Variants in NCOR1 observed in about 807,000 individuals in gnomAD.
NCOR1 encodes protein phosphatase 1, regulatory subunit 109.
NCOR1 carries 63 observed loss-of-function variants against 288.1 expected under a neutral mutation model. The observed-to-expected ratio is 0.22, with a 90% CI of 0.18 to 0.27. NCOR1 has a LOEUF of 0.27. NCOR1 is among the 10% of genes least tolerant of loss of function. The pLI is 1.00. For synonymous variants in NCOR1, 1,007 were observed against 1,065.9 expected, an observed-to-expected ratio of 0.94 and a Z score of 1.08; for missense variants, 2,397 against 3,019.2, an observed-to-expected ratio of 0.79 and a Z score of 4.83.
chr17:16,156,554 A>G (rs2079843142), intron 6 of NCOR1, among the ~76,000 whole-genome samples: 1 of 152,050 alleles, frequency 6.6e-6, no homozygotes, highest in Admixed American at 6.5e-5. Flanking sequence ...AAATGAAAGA[A>G]AAAAGAAAAA....
At chr17:16,198,736 AAAAAGAGTAT>A (rs2090303369) in intron 1 of NCOR1, 1 of 152,222 alleles carries the variant, frequency 6.6e-6, no homozygotes, top group African/African-American at 2.4e-5. Context: ...AAAAAAAAAA[AAAAAGAGTAT>A]TTCACTATAT....
chr17:16,069,287 G>A (rs2061474580), intron 31 of NCOR1, among the ~76,000 whole-genome samples: 1 of 151,848 alleles, frequency 6.6e-6, no homozygotes, highest in Non-Finnish European at 1.5e-5. Context: ...AGGGCAATTC[G>A]CCATCAAAAC....
intron 5 of NCOR1, among the ~76,000 whole-genome samples, chr17:16,161,857 T>C (rs556863577): frequency 1.2e-4 from 18 of 152,258 alleles, no homozygotes; most frequent in South Asian, 2.1e-4. Context: ...TTATAGTGGA[T>C]TGCATGTACA....
intron 11 of NCOR1, among the ~76,000 whole-genome samples, chr17:16,140,976 G>C (rs959847737): frequency 7.1e-6 from 1 of 140,512 alleles, no homozygotes; most frequent in Non-Finnish European, 1.5e-5. Context: ...GGGTGACAGA[G>C]TAAGACCCTA....
intron 12 of NCOR1, 33 bp from the exon 13 acceptor site, chr17:16,138,245 G>T (rs368037012): frequency 6.4e-7 from 1 of 1,554,648 alleles, no homozygotes. Flanking sequence ...ACACACTTGC[G>T]TACAAATATT....
chr17:16,169,839 T>G (rs1271875189), intron 4 of NCOR1, among the ~76,000 whole-genome samples: 1 of 152,192 alleles, frequency 6.6e-6, no homozygotes, highest in Admixed American at 6.5e-5. Context: ...TCACTATATT[T>G]TTAAATTTCT....
At chr17:16,108,748 T>G (rs368534667) in intron 19 of NCOR1, 38 bp downstream of exon 19, 48 of 1,555,138 alleles carry the variant, frequency 3.1e-5, no homozygotes, top group Admixed American at 9.7e-5. Flanking sequence ...TTATTCTGGA[T>G]AGCAGATGTC....
At chr17:16,087,324 G>A (rs1235904170) in intron 22 of NCOR1, 6 of 1,303,936 alleles carry the variant, frequency 4.6e-6, no homozygotes, top group South Asian at 3.7e-5. Flanking sequence ...CTCAGCATAA[G>A]GCATATAGGC....
At chr17:16,139,590 A>G (rs1341243788) in intron 11 of NCOR1, among the ~76,000 whole-genome samples, 2 of 152,184 alleles carry the variant, frequency 1.3e-5, no homozygotes, top group Non-Finnish European at 2.9e-5. Context: ...AACAACTTTT[A>G]CCGTCATATT....
chr17:16,127,155 GTATGTATATA>G (rs2074244064), intron 14 of NCOR1, among the ~76,000 whole-genome samples: 1 of 133,834 alleles, frequency 7.5e-6, no homozygotes, highest in Admixed American at 7.4e-5. Flanking sequence ...GTATATATCT[GTATGTATATA>G]TACATGTATG....
intron 42 of NCOR1, 181 bp from the exon 43 acceptor site, chr17:16,040,675 C>G (rs1429424381): frequency 6.3e-6 from 4 of 633,128 alleles, no homozygotes; most frequent in Non-Finnish European, 1.1e-5. Flanking sequence ...CAGGGTCTCA[C>G]TCTGTTGCCC....
intron 1 of NCOR1, among the ~76,000 whole-genome samples, chr17:16,211,768 A>G (rs562337596): frequency 6.6e-6 from 1 of 152,322 alleles, no homozygotes; most frequent in South Asian, 2.1e-4. Context: ...ATGGTAGAAG[A>G]ACAGTATAAG....
intron 6 of NCOR1, among the ~76,000 whole-genome samples, chr17:16,157,221 C>G (rs956585632): frequency 1.3e-5 from 2 of 152,144 alleles, no homozygotes; most frequent in African/African-American, 2.4e-5. Flanking sequence ...TGGAACACAG[C>G]CCCCATCTTA....
intron 42 of NCOR1, chr17:16,044,969 A>T: frequency 3.6e-6 from 2 of 550,076 alleles, no homozygotes; most frequent in Non-Finnish European, 3.3e-6. Flanking sequence ...TAAATTTCTT[A>T]TAACGTGTTC....
In NCOR1 at chr17:16,196,845, A is replaced by AG. The variant is rs1326227971; in HGVS notation, c.-70-2207dup. 4.1e-5 allele frequency among the ~76,000 whole-genome samples: 6 copies of AG among 147,906 alleles called. No individual in the cohort carries two copies. In the East Asian group the frequency reaches 9.8e-4, roughly 24 times the overall value. ...GTCTCAAAAAAAAAAAAAAAAGAAAAGAAAAAAAAAAGAAAAAAATAATTA... is the reference window on the plus strand; with the variant it reads ...GTCTCAAAAAAAAAAAAAAAAGAAAAGGAAAAAAAAAAGAAAAAAATAATTA... On this transcript the variant is annotated intron_variant, in intron 1 of 45. Coordinates refer to ENST00000268712, the MANE Select transcript of NCOR1 (RefSeq NM_006311.4).
chr17:16,072,319 G>C, intron 28 of NCOR1, 91 bp from the exon 29 acceptor site: 1 of 938,778 alleles, frequency 1.1e-6, no homozygotes, highest in South Asian at 2.0e-5. Flanking sequence ...CTATGTTTTT[G>C]ATAAATGCTC....
chr17:16,040,675 C>A, intron 42 of NCOR1, 181 bp from the exon 43 acceptor site: 2 of 633,246 alleles, frequency 3.2e-6, no homozygotes, highest in South Asian at 1.6e-5. Flanking sequence ...CAGGGTCTCA[C>A]TCTGTTGCCC....
intron 19 of NCOR1, among the ~76,000 whole-genome samples, chr17:16,102,448 A>G (rs1434057153): frequency 2.0e-5 from 3 of 151,952 alleles, no homozygotes; most frequent in Admixed American, 6.6e-5. Context: ...ATGCCTAGCT[A>G]ATTTTGTAGA....
chr17:16,051,216 A>C (rs961717528), intron 40 of NCOR1, among the ~76,000 whole-genome samples: 3 of 152,200 alleles, frequency 2.0e-5, no homozygotes, highest in African/African-American at 7.2e-5. Flanking sequence ...AAAATGAAGA[A>C]ATTAGCACAC....
Sources: gnomAD v4.1 joint callset for allele counts (sites outside exome capture counted in the v4.1 genomes callset) on GRCh38, gnomAD v4.1.1 for gene constraint, MANE v1.5 for transcripts, NCBI Gene and HGNC (gene_info 2026-07-23, HGNC 2026-07-21) for gene names.